SLC4A11: variants seen among roughly 807,000 people sequenced by gnomAD.
SLC4A11 encodes bicarbonate transporter related protein 1.
A neutral mutation model predicts 95.0 loss-of-function variants in SLC4A11; 74 were observed. The ratio of observed to expected loss-of-function variants is 0.78; its 90% confidence interval spans 0.65 to 0.95. The LOEUF is 0.95. SLC4A11 is among the 40% of genes least tolerant of loss of function. The pLI is 0.00. For missense variants in SLC4A11, 1,081 were observed against 1,192.4 expected (o/e 0.91, Z 1.38); for synonymous variants, 548 against 519.0 (o/e 1.06, Z -0.76).
At position 3,231,597 on chromosome 20, in the gene SLC4A11, C is replaced by T; in HGVS notation, c.730-49G>A. The T allele has an allele frequency of 6.4e-7, 1 of 1,569,868 alleles. No homozygotes were observed. The highest frequency in any genetic ancestry group is 1.1e-5 in the South Asian group (1 of 90,280). On this transcript the variant is annotated intron_variant, in intron 7 of 19. Coordinates refer to ENST00000642402, the MANE Select transcript of SLC4A11 (RefSeq NM_001174089.2). The surrounding 1 kb of genome is among the most constrained non-coding windows in gnomAD (Gnocchi z 5.2). Reference sequence around the variant, plus strand: ...CCCCTAGAAACAGAGGAGGCCCTGCCCGGGCCGAGCAGGTGAAGGTGCTCT... The same window carrying T: ...CCCCTAGAAACAGAGGAGGCCCTGCTCGGGCCGAGCAGGTGAAGGTGCTCT...
chr20:3,238,335 A>G lies in SLC4A11; in HGVS notation c.44-747T>C, dbSNP rs372810248. 3.8e-5 allele frequency: 37 copies of G among 985,166 alleles called. 2 individuals carry two copies. In the East Asian group the frequency reaches 7.9e-4, roughly 21 times the overall value. 61.0% of individuals were successfully genotyped at this position (985,166 alleles called of 1,614,324 possible). The stretch of plus-strand genomic sequence containing the variant: ...CGACAGGAGGGGCCGCGTGCACGAG[A>G]GGAAAGCGCCTCCAGACTCGGAGAC... On this transcript the variant is annotated intron_variant, in intron 1 of 19. Coordinates refer to ENST00000642402, the MANE Select transcript of SLC4A11 (RefSeq NM_001174089.2).
At chr20:3,238,081 C>T (rs2068044280) in intron 1 of SLC4A11, 1 of 1,468,390 alleles carries the variant, frequency 6.8e-7, no homozygotes, top group East Asian at 2.5e-5. Flanking sequence ...CGCAGTTCCC[C>T]CGACCCCCGT....
upstream of SLC4A11, chr20:3,239,327 C>T: frequency 8.7e-7 from 1 of 1,150,772 alleles, no homozygotes; most frequent in Non-Finnish European, 1.1e-6. Context: ...TGGGACCCGG[C>T]CGCCCGCCCC....
rs778688114 is a variant in SLC4A11, at chr20:3,234,816, T to C, written c.167A>G (p.Asn56Ser). The C allele has an allele frequency of 6.2e-6, 10 of 1,612,930 alleles. No individual in the cohort carries two copies. The highest frequency in any genetic ancestry group is 2.2e-5 in the South Asian group (2 of 91,004). ...ILGDEAFDTA[N>S]SSIVSGESIR... The stretch of plus-strand genomic sequence containing the variant: ...ACTCTCGCCAGACACGATGGAGGAG[T>C]TGGCAGTGTCGAAGGCCTCATCCCC... Residue 56 changes from asparagine to serine, a missense_variant, in exon 3 of 20, where the codon AAC becomes AGC. Around this residue, in one of 3 missense-constraint regions of SLC4A11, gnomAD observed 310 missense variants for 313.5 expected, o/e 0.99. Transcript: ENST00000642402. This position sits in a 1 kb window ranked among gnomAD's most constrained non-coding sequence, Gnocchi z 5.8.
intron 1 of SLC4A11, chr20:3,238,504 C>A: frequency 1.0e-6 from 1 of 999,468 alleles, no homozygotes. Flanking sequence ...GCACACTCCG[C>A]TTCCGTCCCG....
rs769671772 is a variant in SLC4A11 at position 3,230,619 on chromosome 20, G to A, written c.1311C>T (p.Asp437=). The A allele has an allele frequency of 6.2e-7, 1 of 1,613,734 alleles. No individual in the cohort carries two copies. The highest frequency in any genetic ancestry group is 8.5e-7 in the Non-Finnish European group (1 of 1,179,996). The part of the protein sequence containing the change: ...QVIRVICDDY[D]LDFNSFYAWT... ...ATGCGTAGAAGGAGTTGAAGTCCAG[G>A]TCATAGTCATCACAGATGACACGAA... The change falls in exon 12 of 20, where the codon GAC becomes GAT. Residue 437 remains aspartate, a synonymous_variant. Coordinates refer to ENST00000642402, the MANE Select transcript of SLC4A11 (RefSeq NM_001174089.2).
chr20:3,229,673 G>C lies in SLC4A11; in HGVS notation c.1593C>G (p.Ser531Arg). 6.2e-7 allele frequency: 1 copy of C among 1,613,890 alleles called. No individual in the cohort carries two copies. The highest frequency in any genetic ancestry group is 8.5e-7 in the Non-Finnish European group (1 of 1,179,948). The change falls in exon 14 of 20, where the codon AGC becomes AGG. Residue 531 changes from serine to arginine, a missense_variant. Physicochemically the swap from Ser to Arg is moderately radical, Grantham distance 110. This residue lies in a region of SLC4A11 where 767 missense variants were observed against 858.0 expected (regional missense o/e 0.89). Transcript: ENST00000642402. ...AGCTGGCGTTGAGGGCAGTGTGGAG[G>C]CTGGCGTTGAGGCTGGCGCCGAGGC... ...LSGLGASLNA[S>R]LHTALNASFL...
Position 3,228,417 on chromosome 20 carries a change from G to T in SLC4A11, c.2400C>A (p.Pro800=). 1.2e-6 allele frequency: 2 copies of T among 1,613,260 alleles called. No homozygotes were observed. The highest frequency in any genetic ancestry group is 2.2e-5 in the South Asian group (2 of 91,086). ...ALLLKEQTAY[P]PTHYIRRVPQ... is the part of the protein sequence containing the mutation. ...GCACCCTCCGGATGTAGTGTGTCGGGGGGTACGCAGTCTGTGGGCGGCAGG... is the reference window on the plus strand; with the variant it reads ...GCACCCTCCGGATGTAGTGTGTCGGTGGGTACGCAGTCTGTGGGCGGCAGG... Residue 800 remains proline, a synonymous_variant, in exon 19 of 20, where the codon CCC becomes CCA. Transcript: ENST00000642402.
At chr20:3,238,193 AC>A (rs2068049173) in intron 1 of SLC4A11, 2 of 1,427,818 alleles carry the variant, frequency 1.4e-6, no homozygotes, top group Non-Finnish European at 1.8e-6. Flanking sequence ...AAAAGGGAGA[AC>A]AATTGGGGGT....
In SLC4A11 at chr20:3,230,787, AGAG is replaced by A; in HGVS notation, c.1224_1226del (p.Ser409del). On this transcript the variant is annotated inframe_deletion, in exon 11 of 20. Transcript: ENST00000642402. ...TCAGCAGAATCACCAATGGCTGCCC[AGAG>A]AAGAGCGCGTAGAGCAGGCCCCCGA... 1 of 1,613,354 alleles carries A rather than the reference AGAG, an allele frequency of 6.2e-7. No individual in the cohort carries two copies. The highest frequency in any genetic ancestry group is 8.5e-7 in the Non-Finnish European group (1 of 1,179,996).
At chr20:3,228,224 T>TGGG (rs2067606214) in intron 19 of SLC4A11, 35 bp downstream of exon 19, 1 of 1,421,118 alleles carries the variant, frequency 7.0e-7, no homozygotes, top group African/African-American at 1.6e-5. Context: ...ACACCTAGAC[T>TGGG]GGGCCCCTCC....
chr20:3,230,794 A>G lies in SLC4A11; in HGVS notation c.1220T>C (p.Leu407Pro). 6.2e-7 allele frequency: 1 copy of G among 1,613,262 alleles called. No individual in the cohort carries two copies. Among genetic ancestry groups the G allele is most frequent in the African/African-American group, 1.3e-5 (1 of 75,038 alleles). ...AATCACCAATGGCTGCCCAGAGAAGAGCGCGTAGAGCAGGCCCCCGATGCT... is the reference window on the plus strand; with the variant it reads ...AATCACCAATGGCTGCCCAGAGAAGGGCGCGTAGAGCAGGCCCCCGATGCT... ...GQSIGGLLYA[L>P]FSGQPLVILL... The change falls in exon 11 of 20, where the codon CTC becomes CCC. Residue 407 changes from leucine to proline, a missense_variant. Physicochemically the swap from Leu to Pro is moderately conservative, Grantham distance 98. Around this residue, in one of 3 missense-constraint regions of SLC4A11, gnomAD observed 767 missense variants for 858.0 expected, o/e 0.89. Coordinates refer to ENST00000642402, the MANE Select transcript of SLC4A11 (RefSeq NM_001174089.2).
At chr20:3,229,060 G>GGGCCCCCCCCCCCCCCCCCC in intron 16 of SLC4A11, 35 bp downstream of exon 16, 2 of 1,542,062 alleles carry the variant, frequency 1.3e-6, no homozygotes, top group Non-Finnish European at 1.7e-6. Context: ...AGAGGCCCGG[G>GGGCCCCCCCCCCCCCCCCCC]CCCCGCCCAC....
rs1568534978 is a variant in SLC4A11, at chr20:3,231,072, A to G, written c.1043-14T>C. On this transcript the variant is annotated splice_polypyrimidine_tract_variant and intron_variant, in intron 9 of 19. Coordinates refer to ENST00000642402, the MANE Select transcript of SLC4A11 (RefSeq NM_001174089.2). This position sits in a 1 kb window ranked among gnomAD's most constrained non-coding sequence, Gnocchi z 5.2. The stretch of plus-strand genomic sequence containing the variant: ...TCCCAATAATGCCTAGGAATGGGGG[A>G]TGGGAGAGAGGGTTTGCTGGGGATG... The G allele has an allele frequency of 1.9e-6, 3 of 1,608,030 alleles. No homozygotes were observed. The South Asian group carries it at 3.3e-5, about 18-fold the overall frequency.
At chr20:3,237,831 G>A (rs903583726) in intron 1 of SLC4A11, 110 of 1,561,650 alleles carry the variant, frequency 7.0e-5, no homozygotes, top group Non-Finnish European at 9.3e-5. Context: ...CTGCCCAGGC[G>A]GGCCAGAGGC....
In SLC4A11 at chr20:3,229,684, G is replaced by A. The variant is rs2067686286; in HGVS notation, c.1582C>T (p.Leu528Phe). 1.2e-6 allele frequency: 2 copies of A among 1,613,826 alleles called. No individual in the cohort carries two copies. The highest frequency in any genetic ancestry group is 3.3e-5 in the Admixed American group (2 of 60,000). ...AGGGCAGTGTGGAGGCTGGCGTTGAGGCTGGCGCCGAGGCCTGACAGGCTG... is the reference window on the plus strand; with the variant it reads ...AGGGCAGTGTGGAGGCTGGCGTTGAAGCTGGCGCCGAGGCCTGACAGGCTG... ...LVSLSGLGAS[L>F]NASLHTALNA... The change falls in exon 14 of 20, where the codon CTC (leucine) becomes TTC (phenylalanine). Residue 528 changes from leucine (L) to phenylalanine (F), a missense_variant. Physicochemically the swap from Leu to Phe is conservative, Grantham distance 22. Around this residue, in one of 3 missense-constraint regions of SLC4A11, gnomAD observed 767 missense variants for 858.0 expected, o/e 0.89. Transcript: ENST00000642402.
chr20:3,229,219 C>T lies in SLC4A11; in HGVS notation c.1894G>A (p.Ala632Thr), dbSNP rs1364624751. Residue 632 changes from alanine (A) to threonine (T), a missense_variant, in exon 16 of 20, where the codon GCG becomes ACG. Coordinates refer to ENST00000642402, the MANE Select transcript of SLC4A11 (RefSeq NM_001174089.2). Reference protein sequence around the residue: ...YNPSESPFAMAQIQSLSLRAV... With the variant: ...YNPSESPFAMTQIQSLSLRAV... ...CTCAGGGACAGCGACTGGATCTGCGCCATCGCAAAGGGGCTCTCGCTGGGG... is the reference window on the plus strand; with the variant it reads ...CTCAGGGACAGCGACTGGATCTGCGTCATCGCAAAGGGGCTCTCGCTGGGG... 1 of 1,612,904 alleles carries T rather than the reference C, an allele frequency of 6.2e-7. No homozygotes were observed. The highest frequency in any genetic ancestry group is 1.7e-5 in the Admixed American group (1 of 60,024).
At position 3,237,436 on chromosome 20, in the gene SLC4A11, C is replaced by T. The variant is rs2068016153; in HGVS notation, c.88+108G>A. On this transcript the variant is annotated intron_variant, in intron 2 of 19. Transcript: ENST00000642402. ...AAAGCATTCCAGCACTAGAGTGGCC[C>T]AGATAGGCGAGCAAAGCCACAGGAC... 8.6e-6 allele frequency: 10 copies of T among 1,162,478 alleles called. 1 individual carries two copies. In the Admixed American group the frequency reaches 1.5e-4, roughly 18 times the overall value. The allele number at this position is 1,162,478 out of a possible 1,614,324, so 72.0% of individuals were successfully genotyped here.
In SLC4A11 at chr20:3,229,169, G is replaced by A. The variant is rs376622984; in HGVS notation, c.1944C>T (p.Leu648=). Residue 648 remains leucine (L), a synonymous_variant, in exon 16 of 20, where the codon CTC becomes CTT. Coordinates refer to ENST00000642402, the MANE Select transcript of SLC4A11 (RefSeq NM_001174089.2). ...AGAAGAGCATGGACAGCAGGAAGCC[G>A]AGGCCCATGGCACCGCTGACGGCCC... The part of the protein sequence containing the change: ...SLRAVSGAMG[L]GFLLSMLFFI... The A allele has an allele frequency of 1.9e-4, 299 of 1,611,812 alleles. No individual in the cohort carries two copies. Among genetic ancestry groups the A allele is most frequent in the Non-Finnish European group, 2.4e-4 (284 of 1,179,882 alleles).
Sources: gnomAD v4.1 joint callset for allele counts on GRCh38, gnomAD v4.1.1 for gene constraint, gnomAD v4.1.1 regional missense constraint, Gnocchi (gnomAD v3.1) non-coding constraint, MANE v1.5 for transcripts, NCBI Gene and HGNC (gene_info 2026-07-23, HGNC 2026-07-21) for gene names.